The following EFNA2 variants were observed in gnomAD, a reference collection of about 807,000 sequenced individuals.
The protein encoded by EFNA2 is ephrin A2, also known as ephrin-A2.
In EFNA2, 18 loss-of-function variants were observed where a neutral mutation model predicts 19.7. The observed-to-expected ratio is 0.91, with a 90% CI of 0.63 to 1.35. EFNA2 has a LOEUF of 1.35. Ranked by LOEUF, EFNA2 falls within the 40% of genes most tolerant of loss-of-function variation. EFNA2 has a pLI of 0.00. For synonymous variants in EFNA2, 187 were observed against 137.8 expected (o/e 1.36, Z -2.50); for missense variants, 303 against 296.0 (o/e 1.02, Z -0.17).
upstream of EFNA2, among the ~76,000 whole-genome samples, chr19:1,284,484 T>C (rs1600050980): frequency 6.6e-6 from 1 of 152,188 alleles, no homozygotes; most frequent in South Asian, 2.1e-4. This position sits in a 1 kb window ranked among gnomAD's most constrained non-coding sequence, Gnocchi z 5.3. Flanking sequence ...GGGACAGACC[T>C]TTCTGGAAGA....
chr19:1,298,929 A>G (rs747913499), intron 3 of EFNA2, among the ~76,000 whole-genome samples: 1 of 152,118 alleles, frequency 6.6e-6, no homozygotes, highest in African/African-American at 2.4e-5. Context: ...TGGGTGACAG[A>G]GCAAGACTCT....
Position 1,299,970 on chromosome 19 carries a change from C to A in EFNA2, c.*25C>A. The A allele has an allele frequency of 6.3e-7, 1 of 1,577,938 alleles. No individual in the cohort carries two copies. The highest frequency in any genetic ancestry group is 8.6e-7 in the Non-Finnish European group (1 of 1,167,540). On this transcript the variant is annotated 3_prime_UTR_variant, in exon 4 of 4. Coordinates refer to ENST00000215368, the MANE Select transcript of EFNA2 (RefSeq NM_001405.4). Reference sequence around the variant, plus strand: ...GTCCCAGCCCCGCAGGACGCCGACCCTGCCTGGACGGCCCCGCCTGGACCG... The same window carrying A: ...GTCCCAGCCCCGCAGGACGCCGACCATGCCTGGACGGCCCCGCCTGGACCG...
upstream of EFNA2, among the ~76,000 whole-genome samples, chr19:1,284,424 G>A (rs1454252419): frequency 6.6e-6 from 1 of 152,250 alleles, no homozygotes; most frequent in Non-Finnish European, 1.5e-5. The surrounding 1 kb of genome is among the most constrained non-coding windows in gnomAD (Gnocchi z 5.3). Context: ...GCTCCCTGGA[G>A]GAGAGAGAAC....
Position 1,300,145 on chromosome 19 carries a change from G to GC in EFNA2, c.*209dup, listed in dbSNP as rs57458168. 0.013 allele frequency: 8,058 copies of GC among 631,040 alleles called. 176 individuals are homozygous for GC. Among genetic ancestry groups the GC allele is most frequent in the African/African-American group, 0.08 (3,989 of 49,580 alleles). The allele number at this position is 631,040 out of a possible 1,614,324, so 39.1% of individuals were successfully genotyped here. ...CCTCAGGGAGGGGAAACGGCCGAGA[G>GC]CCCCCCCCCGGAGGCCCGAGGGGCC... On this transcript the variant is annotated 3_prime_UTR_variant, in exon 4 of 4. Coordinates refer to ENST00000215368, the MANE Select transcript of EFNA2 (RefSeq NM_001405.4).
Position 1,295,672 on chromosome 19 carries a change from G to C in EFNA2, c.268G>C (p.Val90Leu), listed in dbSNP as rs1451659870. 1 of 1,611,448 alleles carries C rather than the reference G, an allele frequency of 6.2e-7. No homozygotes were observed. The highest frequency in any genetic ancestry group is 8.5e-7 in the Non-Finnish European group (1 of 1,179,304). ...GCCGGCCGAGCGCATGGAGCACTACGTGCTGTACATGGTCAACGGCGAGGG... is the reference window on the plus strand; with the variant it reads ...GCCGGCCGAGCGCATGGAGCACTACCTGCTGTACATGGTCAACGGCGAGGG... ...LPPAERMEHY[V>L]LYMVNGEGHA... The change falls in exon 2 of 4, where the codon GTG (valine) becomes CTG (leucine). Residue 90 changes from valine to leucine, a missense_variant. Val to Leu is a conservative substitution (Grantham distance 32). Transcript: ENST00000215368. This position sits in a 1 kb window ranked among gnomAD's most constrained non-coding sequence, Gnocchi z 5.8.
At chr19:1,285,022 A>C (rs932535115), upstream of EFNA2, among the ~76,000 whole-genome samples, 1 of 152,202 alleles carries the variant, frequency 6.6e-6, no homozygotes, top group African/African-American at 2.4e-5. The surrounding 1 kb of genome is among the most constrained non-coding windows in gnomAD (Gnocchi z 4.1). Context: ...CCCAGGTGGG[A>C]AGATCGCCTG....
chr19:1,291,673 C>T (rs1479100216), intron 1 of EFNA2, among the ~76,000 whole-genome samples: 1 of 152,262 alleles, frequency 6.6e-6, no homozygotes, highest in Non-Finnish European at 1.5e-5. Context: ...ACACCACTGC[C>T]TCAGTTTCCA....
Position 1,300,172 on chromosome 19 carries a change from G to C in EFNA2, c.*227G>C. ...CCCCCCCCGGAGGCCCGAGGGGCCG[G>C]GGTGTGGATGCGGACCGTGGCCAGG... On this transcript the variant is annotated 3_prime_UTR_variant, in exon 4 of 4. Coordinates refer to ENST00000215368, the MANE Select transcript of EFNA2 (RefSeq NM_001405.4). 1 of 527,196 alleles carries C rather than the reference G, an allele frequency of 1.9e-6. No individual in the cohort carries two copies. Among genetic ancestry groups the C allele is most frequent in the South Asian group, 2.8e-5 (1 of 35,104 alleles). The allele number at this position is 527,196 out of a possible 1,614,324, so 32.7% of individuals were successfully genotyped here. A position where few individuals can be genotyped will look rare whatever the true frequency, so the allele number is the denominator to read the frequency against.
chr19:1,285,076 T>G (rs1412486737), upstream of EFNA2, among the ~76,000 whole-genome samples: 1 of 152,192 alleles, frequency 6.6e-6, no homozygotes, highest in Non-Finnish European at 1.5e-5. This position sits in a 1 kb window ranked among gnomAD's most constrained non-coding sequence, Gnocchi z 4.1. Flanking sequence ...GGCCAGACAC[T>G]GTCTCTATAG....
chr19:1,295,311 C>T lies in EFNA2; in HGVS notation c.141-234C>T, dbSNP rs1256285498. Among the ~76,000 whole-genome samples the T allele has an allele frequency of 6.6e-6, 1 of 151,872 alleles. No homozygotes were observed. Among genetic ancestry groups the T allele is most frequent in the Admixed American group, 6.5e-5 (1 of 15,268 alleles). ...CTGTCCCGTGCCCTGTGCACCTGTC[C>T]CCGGAGCCATCTCTCCCCGCGCACA... On this transcript the variant is annotated intron_variant, in intron 1 of 3. Coordinates refer to ENST00000215368, the MANE Select transcript of EFNA2 (RefSeq NM_001405.4). The surrounding 1 kb of genome is among the most constrained non-coding windows in gnomAD (Gnocchi z 5.8).
intron 1 of EFNA2, among the ~76,000 whole-genome samples, chr19:1,288,950 C>A (rs575385950): frequency 9.2e-5 from 14 of 152,182 alleles, no homozygotes. Context: ...TGGACCTGGC[C>A]GGCTGCCCTC....
rs1223676633 is a variant in EFNA2 at position 1,296,846 on chromosome 19, C to A, written c.454+988C>A. On this transcript the variant is annotated intron_variant, in intron 2 of 3. Coordinates refer to ENST00000215368, the MANE Select transcript of EFNA2 (RefSeq NM_001405.4). This position sits in a 1 kb window ranked among gnomAD's most constrained non-coding sequence, Gnocchi z 4.4. ...GCAGCCTTGGGGATAGTCACATCTG[C>A]AGGACCCCATGGTGGGCCAGGCTGG... 6.6e-6 allele frequency among the ~76,000 whole-genome samples: 1 copy of A among 152,218 alleles called. No homozygotes were observed. The highest frequency in any genetic ancestry group is 2.4e-5 in the African/African-American group (1 of 41,450).
rs563233009 is a variant in EFNA2, at chr19:1,296,366, G to A, written c.454+508G>A. ...ACTGAGGCATCCGGAGCCCAGCAGG[G>A]GAGGGGAGCTTGGTGGAAGCCACAG... On this transcript the variant is annotated intron_variant, in intron 2 of 3. Coordinates refer to ENST00000215368, the MANE Select transcript of EFNA2 (RefSeq NM_001405.4). The surrounding 1 kb of genome is among the most constrained non-coding windows in gnomAD (Gnocchi z 4.4). 3.7e-4 allele frequency among the ~76,000 whole-genome samples: 57 copies of A among 152,346 alleles called. No homozygotes were observed. The highest frequency in any genetic ancestry group is 3.4e-3 in the Middle Eastern group (1 of 294).
rs771346192 is a variant in EFNA2, at chr19:1,299,931, C to T, written c.628C>T (p.Leu210Phe). 2 of 1,602,298 alleles carry T rather than the reference C, an allele frequency of 1.2e-6. No individual in the cohort carries two copies. Among genetic ancestry groups the T allele is most frequent in the Admixed American group, 1.7e-5 (1 of 59,788 alleles). The change falls in exon 4 of 4, where the codon CTC becomes TTC. Residue 210 changes from leucine to phenylalanine, a missense_variant. By Grantham distance (22) the Leu-to-Phe change is conservative. Coordinates refer to ENST00000215368, the MANE Select transcript of EFNA2 (RefSeq NM_001405.4). The part of the protein sequence containing the change: ...FLSTIPVLWT[L>F]LGS The stretch of plus-strand genomic sequence containing the variant: ...CAGCACCATCCCCGTGCTCTGGACC[C>T]TCCTGGGTTCCTAGTCCCAGCCCCG...
chr19:1,292,502 C>G (rs2144617502), intron 1 of EFNA2, among the ~76,000 whole-genome samples: 1 of 152,324 alleles, frequency 6.6e-6, no homozygotes, highest in Non-Finnish European at 1.5e-5. Context: ...GGGATTCAGA[C>G]AGCAAACCCT....
At position 1,294,804 on chromosome 19, in the gene EFNA2, G is replaced by C. The variant is rs986141998; in HGVS notation, c.141-741G>C. On this transcript the variant is annotated intron_variant, in intron 1 of 3. Transcript: ENST00000215368. The surrounding 1 kb of genome is among the most constrained non-coding windows in gnomAD (Gnocchi z 5.8). Reference sequence around the variant, plus strand: ...TGCCCCAGAGCGAGCTGGAATGCCCGACCTGTGTCCCCCACGCTGCCCCGG... The same window carrying C: ...TGCCCCAGAGCGAGCTGGAATGCCCCACCTGTGTCCCCCACGCTGCCCCGG... 6.6e-5 allele frequency among the ~76,000 whole-genome samples: 10 copies of C among 151,730 alleles called. No homozygotes were observed. Among genetic ancestry groups the C allele is most frequent in the Non-Finnish European group, 1.5e-4 (10 of 67,912 alleles).
At chr19:1,299,242 A>G (rs2081529348) in intron 3 of EFNA2, among the ~76,000 whole-genome samples, 1 of 151,488 alleles carries the variant, frequency 6.6e-6, no homozygotes, top group Non-Finnish European at 1.5e-5. Flanking sequence ...CGTCTAAAAA[A>G]TAAAATAAAA....
rs892891282 is a variant in EFNA2, at chr19:1,287,715, G to A, written c.140+1407G>A. Among the ~76,000 whole-genome samples the A allele has an allele frequency of 2.6e-5, 4 of 152,154 alleles. No individual in the cohort carries two copies. The highest frequency in any genetic ancestry group is 6.5e-5 in the Admixed American group (1 of 15,288). On this transcript the variant is annotated intron_variant, in intron 1 of 3. Transcript: ENST00000215368. The surrounding 1 kb of genome is among the most constrained non-coding windows in gnomAD (Gnocchi z 6.2). ...CTCAGAGCGGGTCCCCGAGCCGCCCGCTGTGCTGGTCACATGTGGGTTTGA... is the reference window on the plus strand; with the variant it reads ...CTCAGAGCGGGTCCCCGAGCCGCCCACTGTGCTGGTCACATGTGGGTTTGA...
rs1263399803 is a variant in EFNA2, at chr19:1,295,354, C to A, written c.141-191C>A. Among the ~76,000 whole-genome samples, 1 of 151,726 alleles carries A rather than the reference C, an allele frequency of 6.6e-6. No homozygotes were observed. Among genetic ancestry groups the A allele is most frequent in the Non-Finnish European group, 1.5e-5 (1 of 67,882 alleles). ...CGCGCACACTGACCCGTGCCCCATG[C>A]ACCTGTCCCCTGACCCTGTCCCCCC... is the stretch of plus-strand genomic sequence containing the variant. On this transcript the variant is annotated intron_variant, in intron 1 of 3. Coordinates refer to ENST00000215368, the MANE Select transcript of EFNA2 (RefSeq NM_001405.4). This position sits in a 1 kb window ranked among gnomAD's most constrained non-coding sequence, Gnocchi z 5.8.
Sources: allele counts gnomAD v4.1 joint callset (sites outside exome capture counted in the v4.1 genomes callset), GRCh38; gene constraint gnomAD v4.1.1; non-coding constraint Gnocchi (gnomAD v3.1); transcripts MANE v1.5; gene names NCBI Gene and HGNC (gene_info 2026-07-23, HGNC 2026-07-21).